PARD3B: variants seen among roughly 807,000 people sequenced by gnomAD.
PARD3B encodes partitioning defective 3 homolog B.
In PARD3B, 103 loss-of-function variants were observed where a neutral mutation model predicts 130.2. The observed-to-expected ratio is 0.79, with a 90% CI of 0.67 to 0.93. PARD3B has a LOEUF of 0.93. PARD3B is among the 40% of genes least tolerant of loss of function. The probability of loss-of-function intolerance (pLI) is 0.00; values close to 1 mark genes in which losing one functional copy is unlikely to be tolerated. For synonymous variants in PARD3B, 583 were observed against 553.2 expected, an observed-to-expected ratio of 1.05 and a Z score of -0.76; for missense variants, 1,609 against 1,499.2, an observed-to-expected ratio of 1.07 and a Z score of -1.21.
chr2:205,354,793 A>C (rs1006808030), intron 18 of PARD3B, among the ~76,000 whole-genome samples: 2 of 152,192 alleles, frequency 1.3e-5, no homozygotes, highest in Non-Finnish European at 2.9e-5. Context: ...AGCTTACAAT[A>C]GATTTGATTG....
chr2:204,952,269 T>C (rs1301705999), intron 2 of PARD3B, among the ~76,000 whole-genome samples: 1 of 152,216 alleles, frequency 6.6e-6, no homozygotes, highest in Non-Finnish European at 1.5e-5. Context: ...ATAGCTTTTA[T>C]CCATCTGTAT....
chr2:204,600,361 G>A (rs781665442), intron 1 of PARD3B, among the ~76,000 whole-genome samples: 1 of 151,632 alleles, frequency 6.6e-6, no homozygotes, highest in South Asian at 2.1e-4. Flanking sequence ...TAGAGAGATG[G>A]GAGTCTGTTC....
chr2:205,382,789 A>G (rs572133186), intron 18 of PARD3B, among the ~76,000 whole-genome samples: 3 of 152,200 alleles, frequency 2.0e-5, no homozygotes, highest in South Asian at 4.1e-4. Context: ...ATCTAGGCCT[A>G]TCATTTATTT....
intron 3 of PARD3B, among the ~76,000 whole-genome samples, chr2:204,996,502 T>C (rs1215447109): frequency 6.6e-6 from 1 of 152,108 alleles, no homozygotes; most frequent in African/African-American, 2.4e-5. Context: ...GACAGGGCCA[T>C]TTAAGTCTGC....
intron 3 of PARD3B, among the ~76,000 whole-genome samples, chr2:204,999,691 T>C (rs965084984): frequency 1.3e-5 from 2 of 152,216 alleles, no homozygotes; most frequent in Non-Finnish European, 2.9e-5. Context: ...AAGGAGCCTA[T>C]TGGAACTGGA....
chr2:205,500,118 A>C, intron 21 of PARD3B, 87 bp downstream of exon 21: 2 of 1,418,602 alleles, frequency 1.4e-6, no homozygotes, highest in Non-Finnish European at 1.9e-6. Flanking sequence ...TGTTCTGTAC[A>C]TACCAGATTC....
chr2:205,399,116 A>T (rs2046146243), intron 18 of PARD3B, among the ~76,000 whole-genome samples: 2 of 151,780 alleles, frequency 1.3e-5, no homozygotes, highest in Admixed American at 6.6e-5. Flanking sequence ...TAAAAATACA[A>T]AAAATTAGCT....
intron 2 of PARD3B, among the ~76,000 whole-genome samples, chr2:204,780,414 A>G (rs1186197555): frequency 6.6e-6 from 1 of 152,218 alleles, no homozygotes; most frequent in Non-Finnish European, 1.5e-5. Flanking sequence ...TCATCTAGAA[A>G]GAAAGGAAAG....
rs908760889 is a variant in PARD3B, at chr2:205,590,984, C to T, written c.3261-24472C>T. ...GACAAGAATTATGTCTGTTTTGAGA[C>T]CAGGATGGTCTCTTGGCTGTTGCCC... On this transcript the variant is annotated intron_variant, in intron 22 of 22. Coordinates refer to ENST00000406610, the MANE Select transcript of PARD3B (RefSeq NM_001302769.2). The surrounding 1 kb of genome is among the most constrained non-coding windows in gnomAD (Gnocchi z 4.1). Among the ~76,000 whole-genome samples, 1 of 152,120 alleles carries T rather than the reference C, an allele frequency of 6.6e-6. No individual in the cohort carries two copies. Among genetic ancestry groups the T allele is most frequent in the African/African-American group, 2.4e-5 (1 of 41,434 alleles).
intron 18 of PARD3B, among the ~76,000 whole-genome samples, chr2:205,358,749 T>C (rs1012195112): frequency 5.9e-5 from 9 of 152,222 alleles, no homozygotes; most frequent in Admixed American, 5.2e-4. Context: ...ATAATTCCTG[T>C]TTCATCAGCC....
intron 2 of PARD3B, among the ~76,000 whole-genome samples, chr2:204,896,698 A>G (rs1275348094): frequency 2.0e-5 from 3 of 152,318 alleles, no homozygotes; most frequent in South Asian, 2.1e-4. Flanking sequence ...ACTAATGACA[A>G]GACTCTACAG....
chr2:204,850,446 T>TG (rs1231003550), intron 2 of PARD3B, among the ~76,000 whole-genome samples: 2 of 148,582 alleles, frequency 1.3e-5, no homozygotes, highest in Admixed American at 6.6e-5. Context: ...GAGGTAAACC[T>TG]GGGTGAACTT....
intron 18 of PARD3B, among the ~76,000 whole-genome samples, chr2:205,387,053 A>G (rs1345468459): frequency 6.6e-6 from 1 of 152,214 alleles, no homozygotes; most frequent in African/African-American, 2.4e-5. Flanking sequence ...GCTTGCATAA[A>G]GTCAGTCAGT....
chr2:204,998,424 G>A lies in PARD3B; in HGVS notation c.394+33101G>A, dbSNP rs569160993. Among the ~76,000 whole-genome samples, 7 of 22,330 alleles carry A rather than the reference G, an allele frequency of 3.1e-4. 1 individual carries two copies. Among genetic ancestry groups the A allele is most frequent in the African/African-American group, 8.5e-4 (7 of 8,216 alleles). The allele number at this position is 22,330 out of a possible 152,430, so 14.6% of individuals were successfully genotyped here. A position where few individuals can be genotyped will look rare whatever the true frequency, so the allele number is the denominator to read the frequency against. On this transcript the variant is annotated intron_variant, in intron 3 of 22. Coordinates refer to ENST00000406610, the MANE Select transcript of PARD3B (RefSeq NM_001302769.2). ...TATATGTGTATATATATGTATATAT[G>A]TGTATATATATGTGTGTGTATATAT...
intron 14 of PARD3B, among the ~76,000 whole-genome samples, chr2:205,191,667 A>G (rs1215317668): frequency 1.3e-5 from 2 of 152,124 alleles, no homozygotes; most frequent in Non-Finnish European, 2.9e-5. Flanking sequence ...ACAAATCTTC[A>G]CTCATTCTAT....
chr2:204,608,073 C>T (rs112858227), intron 1 of PARD3B, among the ~76,000 whole-genome samples: 2,185 of 152,208 alleles, frequency 0.014, 47 homozygotes, highest in African/African-American at 0.05. Flanking sequence ...AGATGGTTTG[C>T]AGCCCCAGCA....
chr2:204,882,411 T>C (rs779412254), intron 2 of PARD3B, among the ~76,000 whole-genome samples: 4 of 152,240 alleles, frequency 2.6e-5, no homozygotes, highest in African/African-American at 4.8e-5. Context: ...TAGCCTAATA[T>C]TGGGTAATCT....
At chr2:204,858,683 G>A (rs1422866293) in intron 2 of PARD3B, among the ~76,000 whole-genome samples, 1 of 150,014 alleles carries the variant, frequency 6.7e-6, no homozygotes, top group African/African-American at 2.4e-5. Context: ...CATGGGAGGG[G>A]AAATGGTTAA....
chr2:205,510,237 G>A (rs2050539122), intron 21 of PARD3B, among the ~76,000 whole-genome samples: 1 of 152,312 alleles, frequency 6.6e-6, no homozygotes, highest in Non-Finnish European at 1.5e-5. Context: ...TTAGAATAGT[G>A]TCTAAACATG....
Sources: gnomAD v4.1 joint callset for allele counts (sites outside exome capture counted in the v4.1 genomes callset) on GRCh38, gnomAD v4.1.1 for gene constraint, Gnocchi (gnomAD v3.1) non-coding constraint, MANE v1.5 for transcripts, NCBI Gene and HGNC (gene_info 2026-07-23, HGNC 2026-07-21) for gene names.